OR4K17: variants seen among roughly 807,000 people sequenced by gnomAD.
The protein encoded by OR4K17 is olfactory receptor family 4 subfamily K member 17, also known as olfactory receptor 4K17.
For synonymous variants in OR4K17, 157 were observed against 132.8 expected (o/e 1.18, Z -1.25); for missense variants, 480 against 366.3 (o/e 1.31, Z -2.53).
At chr14:20,113,028 A>G (rs1877914302) in intron 1 of OR4K17, among the ~76,000 whole-genome samples, 1 of 152,042 alleles carries the variant, frequency 6.6e-6, no homozygotes, top group Admixed American at 6.6e-5. Flanking sequence ...TGACACAGCT[A>G]TTGATACAAT....
At position 20,118,463 on chromosome 14, in the gene OR4K17, G is replaced by T. The variant is rs148328170; in HGVS notation, c.*25G>T. On this transcript the variant is annotated 3_prime_UTR_variant, in exon 2 of 2. Coordinates refer to ENST00000641386, the MANE Select transcript of OR4K17 (RefSeq NM_001004715.5). ...GATTAAAAATATAATGGTAGAGGCC[G>T]GGCATGGTGGCTGATGCCTGTAATC... The T allele has an allele frequency of 2.1e-6, 3 of 1,409,592 alleles. No individual in the cohort carries two copies. Among genetic ancestry groups the T allele is most frequent in the East Asian group, 2.3e-5 (1 of 43,392 alleles). The allele number at this position is 1,409,592 out of a possible 1,614,324, so 87.3% of individuals were successfully genotyped here. A position where few individuals can be genotyped will look rare whatever the true frequency, so the allele number is the denominator to read the frequency against.
In OR4K17 at chr14:20,118,218, T is replaced by C. The variant is rs1452046926; in HGVS notation, c.719T>C (p.Leu240Ser). 1 of 1,614,116 alleles carries C rather than the reference T, an allele frequency of 6.2e-7. No individual in the cohort carries two copies. Among genetic ancestry groups the C allele is most frequent in the Admixed American group, 1.7e-5 (1 of 60,022 alleles). The change falls in exon 2 of 2, where the codon TTG (leucine) becomes TCG (serine). Residue 240 changes from leucine to serine, a missense_variant. Physicochemically the swap from Leu to Ser is moderately radical, Grantham distance 145. Transcript: ENST00000641386. ...GGGCAATCTAAAGCCCGTTCCACTT[T>C]GACTGCTCACATCACAGTGGTGATT... ...PTGQSKARST[L>S]TAHITVVILF...
rs376986637 is a variant in OR4K17, at chr14:20,118,061, G to T, written c.562G>T (p.Ala188Ser). The change falls in exon 2 of 2, where the codon GCC becomes TCC. Residue 188 changes from alanine (A) to serine (S), a missense_variant. Coordinates refer to ENST00000641386, the MANE Select transcript of OR4K17 (RefSeq NM_001004715.5). ...TGACCTCCCTTTGGTTACTAAGCTT[G>T]CCTGTATAGACATATATTTTGTACA... ...FCDLPLVTKL[A>S]CIDIYFVQVV... is the part of the protein sequence containing the mutation. 7.4e-6 allele frequency: 12 copies of T among 1,613,986 alleles called. No homozygotes were observed. Among genetic ancestry groups the T allele is most frequent in the Admixed American group, 3.3e-5 (2 of 59,992 alleles).
chr14:20,114,585 A>C (rs1416303488), intron 1 of OR4K17, among the ~76,000 whole-genome samples: 1 of 152,032 alleles, frequency 6.6e-6, no homozygotes, highest in African/African-American at 2.4e-5. Context: ...TTCTGTTTCC[A>C]TTCTGTCTGC....
chr14:20,118,501 G>GATTAC lies in OR4K17; in HGVS notation c.*64_*65insTTACA. 1 of 942,068 alleles carries GATTAC rather than the reference G, an allele frequency of 1.1e-6. No individual in the cohort carries two copies. Among genetic ancestry groups the GATTAC allele is most frequent in the Non-Finnish European group, 1.6e-6 (1 of 628,376 alleles). The allele number at this position is 942,068 out of a possible 1,614,324, so 58.4% of individuals were successfully genotyped here. A position where few individuals can be genotyped will look rare whatever the true frequency, so the allele number is the denominator to read the frequency against. On this transcript the variant is annotated 3_prime_UTR_variant, in exon 2 of 2. Transcript: ENST00000641386. ...GATGCCTGTAATCCCCACACTTTGGGAGGAATATCAGGGGAACCAGCCCCC... is the reference window on the plus strand; with the variant it reads ...GATGCCTGTAATCCCCACACTTTGGGATTACAGGAATATCAGGGGAACCAGCCCCC...
In OR4K17 at chr14:20,114,535, C is replaced by T. The variant is rs117829670; in HGVS notation, c.-32-2933C>T. ...TTGACTATTTTATATCAATATAAAA[C>T]GTATTTAAATCTTCGCCATTCCAGG... On this transcript the variant is annotated intron_variant, in intron 1 of 1. Coordinates refer to ENST00000641386, the MANE Select transcript of OR4K17 (RefSeq NM_001004715.5). Among the ~76,000 whole-genome samples the T allele has an allele frequency of 2.0e-3, 303 of 152,080 alleles. 8 individuals are homozygous for T. The East Asian group carries it at 0.03, about 15-fold the overall frequency.
At chr14:20,111,516 A>T (rs1180446292) in intron 1 of OR4K17, among the ~76,000 whole-genome samples, 2 of 151,982 alleles carry the variant, frequency 1.3e-5, no homozygotes, top group African/African-American at 4.8e-5. Flanking sequence ...GGCTGCTCCT[A>T]AATTAAAGTC....
Position 20,117,959 on chromosome 14 carries a change from C to CT in OR4K17, c.462dup (p.His155SerfsTer26). Reference sequence around the variant, plus strand: ...AGTGACCTCATGGCTCTTGGGTCTCCTTCACTCAGGGTTTCAGATACCATT... The same window carrying CT: ...AGTGACCTCATGGCTCTTGGGTCTCCTTTCACTCAGGGTTTCAGATACCATT... On this transcript the variant is annotated frameshift_variant, in exon 2 of 2. Coordinates refer to ENST00000641386, the MANE Select transcript of OR4K17 (RefSeq NM_001004715.5). LOFTEE classifies it low-confidence loss of function (END_TRUNC). 6.2e-7 allele frequency: 1 copy of CT among 1,614,086 alleles called. No individual in the cohort carries two copies. Among genetic ancestry groups the CT allele is most frequent in the African/African-American group, 1.3e-5 (1 of 75,040 alleles).
Position 20,118,154 on chromosome 14 carries a change from A to C in OR4K17, c.655A>C (p.Ser219Arg). The change falls in exon 2 of 2, where the codon AGT becomes CGT. Residue 219 changes from serine to arginine, a missense_variant. Ser to Arg is a moderately radical substitution (Grantham distance 110, BLOSUM62 -1). Coordinates refer to ENST00000641386, the MANE Select transcript of OR4K17 (RefSeq NM_001004715.5). ...TTTCATTATTTTGCTTATCTCCTAC[A>C]GTCTGATCCTCATAACCATTAAGAA... is the stretch of plus-strand genomic sequence containing the variant. The part of the protein sequence containing the change: ...SCFIILLISY[S>R]LILITIKNHS... The C allele has an allele frequency of 2.5e-6, 4 of 1,614,142 alleles. No homozygotes were observed. In the African/African-American group the frequency reaches 4.0e-5, roughly 16 times the overall value.
In OR4K17 at chr14:20,121,148, C is replaced by T. The variant is rs1184924428; in HGVS notation, c.*2710C>T. 1.3e-5 allele frequency: 2 copies of T among 152,162 alleles called. No homozygotes were observed. The highest frequency in any genetic ancestry group is 2.9e-5 in the Non-Finnish European group (2 of 68,062). The allele number at this position is 152,162 out of a possible 1,614,324, so 9.4% of individuals were successfully genotyped here. ...TGAAGTCTGGAAGAGATGACTGCTC[C>T]AACAAATGCACAGAAATCTGCTTAA... On this transcript the variant is annotated 3_prime_UTR_variant, in exon 2 of 2. Coordinates refer to ENST00000641386, the MANE Select transcript of OR4K17 (RefSeq NM_001004715.5).
chr14:20,115,656 G>T (rs1223378991), intron 1 of OR4K17, among the ~76,000 whole-genome samples: 2 of 151,676 alleles, frequency 1.3e-5, no homozygotes, highest in South Asian at 2.1e-4. Flanking sequence ...GATCTCAAAG[G>T]GTCTATATAT....
Position 20,118,040 on chromosome 14 carries a change from C to T in OR4K17, c.541C>T (p.Leu181Phe), listed in dbSNP as rs758050350. The change falls in exon 2 of 2, where the codon CTC becomes TTC. Residue 181 changes from leucine (L) to phenylalanine (F), a missense_variant. Coordinates refer to ENST00000641386, the MANE Select transcript of OR4K17 (RefSeq NM_001004715.5). ...PNVVDSIFCD[L>F]PLVTKLACID... ...TGTGGTAGACAGCATTTTTTGTGAC[C>T]TCCCTTTGGTTACTAAGCTTGCCTG... The T allele has an allele frequency of 1.9e-5, 31 of 1,614,006 alleles. No homozygotes were observed. The East Asian group carries it at 5.3e-4, about 28-fold the overall frequency.
chr14:20,114,611 G>A (rs527355744), intron 1 of OR4K17, among the ~76,000 whole-genome samples: 1 of 152,120 alleles, frequency 6.6e-6, no homozygotes, highest in Admixed American at 6.6e-5. Context: ...TATCAAGCCT[G>A]TGTCTTTACC....
intron 1 of OR4K17, among the ~76,000 whole-genome samples, chr14:20,115,047 C>T (rs1344625998): frequency 6.6e-6 from 1 of 152,072 alleles, no homozygotes. Flanking sequence ...TGATTGCTTA[C>T]AGGACTTTCT....
rs759363710 is a variant in OR4K17 at position 20,117,667 on chromosome 14, T to A, written c.168T>A (p.Asn56Lys). The A allele has an allele frequency of 6.2e-6, 10 of 1,613,966 alleles. No homozygotes were observed. The highest frequency in any genetic ancestry group is 8.5e-6 in the Non-Finnish European group (10 of 1,179,972). ...CAGTGTTTAACACCCCTAACCTGAATACTCCCATGTATTTTCTCCTTGGTA... is the reference window on the plus strand; with the variant it reads ...CAGTGTTTAACACCCCTAACCTGAAAACTCCCATGTATTTTCTCCTTGGTA... ...IVTVFNTPNL[N>K]TPMYFLLGNL... The change falls in exon 2 of 2, where the codon AAT becomes AAA. Residue 56 changes from asparagine to lysine, a missense_variant. Physicochemically the swap from Asn to Lys is moderately conservative, Grantham distance 94. Transcript: ENST00000641386.
rs934197923 is a variant in OR4K17 at position 20,119,414 on chromosome 14, T to C, written c.*976T>C. ...ACAAGAGTATTGATTGGGGAAGTGATAAATGTCCATGAAATTTTCACAATT... is the reference window on the plus strand; with the variant it reads ...ACAAGAGTATTGATTGGGGAAGTGACAAATGTCCATGAAATTTTCACAATT... On this transcript the variant is annotated 3_prime_UTR_variant, in exon 2 of 2. Transcript: ENST00000641386. The C allele has an allele frequency of 9.2e-5, 14 of 152,206 alleles. No homozygotes were observed. Among genetic ancestry groups the C allele is most frequent in the Non-Finnish European group, 2.1e-4 (14 of 68,022 alleles). 9.4% of individuals were successfully genotyped at this position (152,206 alleles called of 1,614,324 possible).
rs1878051588 is a variant in OR4K17 at position 20,118,028 on chromosome 14, AT to A, written c.535del (p.Cys179ValfsTer12). 24 of 1,613,992 alleles carry A rather than the reference AT, an allele frequency of 1.5e-5. No individual in the cohort carries two copies. Among genetic ancestry groups the A allele is most frequent in the Non-Finnish European group, 2.0e-5 (24 of 1,180,030 alleles). On this transcript the variant is annotated frameshift_variant, in exon 2 of 2. Coordinates refer to ENST00000641386, the MANE Select transcript of OR4K17 (RefSeq NM_001004715.5). LOFTEE classifies it low-confidence loss of function (END_TRUNC). Reference sequence around the variant, plus strand: ...TTGTGGTCCCAATGTGGTAGACAGCATTTTTTGTGACCTCCCTTTGGTTACT... The same window carrying A: ...TTGTGGTCCCAATGTGGTAGACAGCATTTTTGTGACCTCCCTTTGGTTACT... ...PFCGPNVVDS[I>X]FCDLPLVTKL... is the part of the protein sequence containing the mutation.
At chr14:20,116,843 AT>A (rs1216181925) in intron 1 of OR4K17, among the ~76,000 whole-genome samples, 1 of 152,170 alleles carries the variant, frequency 6.6e-6, no homozygotes, top group Non-Finnish European at 1.5e-5. Flanking sequence ...TCAGAAAAAA[AT>A]AATATTTGCC....
chr14:20,117,275 G>A (rs533038846), intron 1 of OR4K17, 193 bp from the exon 2 acceptor site: 75 of 629,414 alleles, frequency 1.2e-4, no homozygotes, highest in African/African-American at 1.2e-3. Context: ...GCATCAATAG[G>A]TCATTGCTCT....
Sources: allele counts gnomAD v4.1 joint callset (sites outside exome capture counted in the v4.1 genomes callset), GRCh38; gene constraint gnomAD v4.1.1; transcripts MANE v1.5; gene names NCBI Gene and HGNC (gene_info 2026-07-23, HGNC 2026-07-21).